GJB7: variants seen among roughly 807,000 people sequenced by gnomAD.
GJB7 encodes the protein gap junction protein beta 7.
For missense variants in GJB7, 253 were observed against 256.8 expected (o/e 0.99, Z 0.10); for synonymous variants, 87 against 95.2 (o/e 0.91, Z 0.50).
At chr6:87,317,343 G>A (rs192472040) in intron 2 of GJB7, among the ~76,000 whole-genome samples, 77 of 152,184 alleles carry the variant, frequency 5.1e-4, no homozygotes, top group Middle Eastern at 3.4e-3. Flanking sequence ...TAGCCTGGGC[G>A]ACAAAGCAAG....
rs986920997 is a variant in GJB7, at chr6:87,305,120, T to C, written c.-28+17746A>G. 3.9e-5 allele frequency among the ~76,000 whole-genome samples: 6 copies of C among 152,210 alleles called. No homozygotes were observed. In the South Asian group the frequency reaches 6.2e-4, roughly 16 times the overall value. On this transcript the variant is annotated intron_variant, in intron 2 of 2. Transcript: ENST00000525899. ...ATTCCCTTTGAAAACTGGCATAAGA[T>C]AGGTTTGCCCTCTCTCACCACTCCT...
At chr6:87,287,985 C>T (rs550741656) in intron 2 of GJB7, among the ~76,000 whole-genome samples, 1 of 152,216 alleles carries the variant, frequency 6.6e-6, no homozygotes, top group Non-Finnish European at 1.5e-5. Flanking sequence ...TCACTACAAC[C>T]TCCGCCTCCC....
intron 2 of GJB7, among the ~76,000 whole-genome samples, chr6:87,290,611 A>G (rs1487206208): frequency 6.6e-6 from 1 of 152,234 alleles, no homozygotes; most frequent in Non-Finnish European, 1.5e-5. Flanking sequence ...AAAAAGCTGA[A>G]TGACCAGCTC....
At chr6:87,318,258 A>C (rs1025825977) in intron 2 of GJB7, among the ~76,000 whole-genome samples, 1 of 152,150 alleles carries the variant, frequency 6.6e-6, no homozygotes, top group Non-Finnish European at 1.5e-5. Flanking sequence ...TACAAGCACC[A>C]CTAGAAAACA....
rs374862277 is a variant in GJB7, at chr6:87,317,490, C to T, written c.-28+5376G>A. On this transcript the variant is annotated intron_variant, in intron 2 of 2. Transcript: ENST00000525899. ...TGTTGCCCAAGCTGGAGTGCAATGG[C>T]GTGATCTCAGCTCACTGCAACCTCC... 1.3e-4 allele frequency among the ~76,000 whole-genome samples: 19 copies of T among 148,338 alleles called. No homozygotes were observed. In the East Asian group the frequency reaches 3.6e-3, roughly 28 times the overall value.
intron 1 of GJB7, among the ~76,000 whole-genome samples, chr6:87,327,406 C>T (rs972279648): frequency 6.6e-6 from 1 of 152,176 alleles, no homozygotes; most frequent in African/African-American, 2.4e-5. Context: ...TTGTTCCTTT[C>T]CATGTTTAGT....
At chr6:87,323,844 C>T (rs1360807304) in intron 1 of GJB7, among the ~76,000 whole-genome samples, 10 of 152,054 alleles carry the variant, frequency 6.6e-5, no homozygotes, top group Admixed American at 6.5e-5. Context: ...CCTGAGGAAT[C>T]GCCACACTGA....
chr6:87,304,351 C>A (rs554884494), intron 2 of GJB7, among the ~76,000 whole-genome samples: 6 of 152,006 alleles, frequency 3.9e-5, no homozygotes, highest in African/African-American at 1.5e-4. Context: ...ATATCACCAC[C>A]GATCCCACAG....
At chr6:87,298,944 A>G (rs1776283527) in intron 2 of GJB7, 1 of 450,068 alleles carries the variant, frequency 2.2e-6, no homozygotes, top group African/African-American at 2.0e-5. Context: ...GGCCAAAAAC[A>G]ATGATTGATC....
In GJB7 at chr6:87,284,582, C is replaced by T. The variant is rs747313907; in HGVS notation, c.331G>A (p.Val111Ile). The change falls in exon 3 of 3, where the codon GTC becomes ATC. Residue 111 changes from valine (V) to isoleucine (I), a missense_variant. Coordinates refer to ENST00000525899, the MANE Select transcript of GJB7 (RefSeq NM_198568.3). ...REKRHRKKLY[V>I]SPGTMDGGLW... ...CCCCCATCCATTGTACCTGGGCTGACATAGAGTTTCTTTCTGTGCCTTTTC... is the reference window on the plus strand; with the variant it reads ...CCCCCATCCATTGTACCTGGGCTGATATAGAGTTTCTTTCTGTGCCTTTTC... The T allele has an allele frequency of 6.2e-7, 1 of 1,614,168 alleles. No homozygotes were observed. Among genetic ancestry groups the T allele is most frequent in the Non-Finnish European group, 8.5e-7 (1 of 1,180,014 alleles).
At chr6:87,301,172 G>A (rs1776318087) in intron 2 of GJB7, among the ~76,000 whole-genome samples, 1 of 152,132 alleles carries the variant, frequency 6.6e-6, no homozygotes, top group Non-Finnish European at 1.5e-5. Flanking sequence ...GGGCTTGTCG[G>A]ACAGTGGGTG....
chr6:87,307,024 TAGGGTGGGG>T (rs1776438725), intron 2 of GJB7, among the ~76,000 whole-genome samples: 1 of 151,858 alleles, frequency 6.6e-6, no homozygotes, highest in Non-Finnish European at 1.5e-5. Flanking sequence ...GGGTCTGTTG[TAGGGTGGGG>T]AGAGTGGGGA....
At chr6:87,307,989 A>G (rs1343198771) in intron 2 of GJB7, among the ~76,000 whole-genome samples, 1 of 152,220 alleles carries the variant, frequency 6.6e-6, no homozygotes, top group East Asian at 1.9e-4. Context: ...ATGTCCTTCA[A>G]TGATAGACTG....
At chr6:87,297,710 G>A (rs1473008455) in intron 2 of GJB7, among the ~76,000 whole-genome samples, 1 of 152,158 alleles carries the variant, frequency 6.6e-6, no homozygotes, top group Non-Finnish European at 1.5e-5. Flanking sequence ...GTAGATTATA[G>A]AAACATTTCT....
intron 2 of GJB7, chr6:87,300,094 T>C (rs1456103819): frequency 9.5e-6 from 3 of 316,730 alleles, no homozygotes; most frequent in African/African-American, 6.5e-5. Flanking sequence ...CTTGCTCCAG[T>C]GCACTTGAGC....
At chr6:87,303,476 A>T (rs998918822) in intron 2 of GJB7, among the ~76,000 whole-genome samples, 1 of 152,226 alleles carries the variant, frequency 6.6e-6, no homozygotes, top group South Asian at 2.1e-4. Context: ...AGAAGAGCTA[A>T]CTATCCTAAA....
chr6:87,312,919 A>G (rs1776531842), intron 2 of GJB7, among the ~76,000 whole-genome samples: 1 of 152,238 alleles, frequency 6.6e-6, no homozygotes, highest in South Asian at 2.1e-4. Flanking sequence ...AGTGATCTGA[A>G]ACAGAAATAA....
rs375679985 is a variant in GJB7 at position 87,324,238 on chromosome 6, G to T, written c.-205-1195C>A. Among the ~76,000 whole-genome samples the T allele has an allele frequency of 1.4e-4, 22 of 152,256 alleles. No homozygotes were observed. In the East Asian group the frequency reaches 4.0e-3, roughly 28 times the overall value. On this transcript the variant is annotated intron_variant, in intron 1 of 2. Coordinates refer to ENST00000525899, the MANE Select transcript of GJB7 (RefSeq NM_198568.3). ...ATTTTGTAGGTTGCCTGTTCACTCT[G>T]ATGGTAGTTTCTTTTGCTGTGCAGA...
At chr6:87,326,524 A>T (rs1394366222) in intron 1 of GJB7, among the ~76,000 whole-genome samples, 3 of 150,888 alleles carry the variant, frequency 2.0e-5, no homozygotes, top group African/African-American at 7.3e-5. Context: ...TTCGTTATGT[A>T]CCCAGTAGTC....
Sources: gnomAD v4.1 joint callset for allele counts (sites outside exome capture counted in the v4.1 genomes callset) on GRCh38, gnomAD v4.1.1 for gene constraint, MANE v1.5 for transcripts, NCBI Gene and HGNC (gene_info 2026-07-23, HGNC 2026-07-21) for gene names.